The following HMGCLL1 variants were observed in gnomAD, a reference collection of about 807,000 sequenced individuals.
The protein encoded by HMGCLL1 is 3-hydroxy-3-methylglutaryl-CoA lyase like 1.
Under a neutral mutation model 39.1 loss-of-function variants are expected in HMGCLL1, and 36 were observed. That is an observed-to-expected ratio of 0.92 (90% CI 0.71 to 1.22). The LOEUF (loss-of-function observed/expected upper bound fraction) is 1.22. Ranked by LOEUF, HMGCLL1 falls within the 50% of genes most tolerant of loss-of-function variation. HMGCLL1 has a pLI of 0.00. For synonymous variants in HMGCLL1, 149 were observed against 144.0 expected, an observed-to-expected ratio of 1.03 and a Z score of -0.25; for missense variants, 451 against 416.5, an observed-to-expected ratio of 1.08 and a Z score of -0.72.
At chr6:55,479,889 A>G (rs1765645203) in intron 7 of HMGCLL1, among the ~76,000 whole-genome samples, 1 of 151,654 alleles carries the variant, frequency 6.6e-6, no homozygotes, top group Non-Finnish European at 1.5e-5. Context: ...TTCTAATTGG[A>G]TCTTGGGTTA....
At chr6:55,664,963 A>AGAG in the HMGCLL1 span, among the ~76,000 whole-genome samples, 1 of 151,748 alleles carries the variant, frequency 6.6e-6, no homozygotes, top group Non-Finnish European at 1.5e-5. Flanking sequence ...AGACCAGGAA[A>AGAG]ATTCATGGTC....
intron 1 of HMGCLL1, among the ~76,000 whole-genome samples, chr6:55,558,456 T>G (rs1770780228): frequency 6.6e-6 from 1 of 152,182 alleles, no homozygotes; most frequent in African/African-American, 2.4e-5. Flanking sequence ...ATAAATTACT[T>G]GATTGTCCCA....
At chr6:55,573,074 C>G (rs1484451433) in intron 1 of HMGCLL1, among the ~76,000 whole-genome samples, 1 of 152,110 alleles carries the variant, frequency 6.6e-6, no homozygotes, top group Non-Finnish European at 1.5e-5. Context: ...AGGAGCAACC[C>G]TGGTAAACAT....
the HMGCLL1 span, among the ~76,000 whole-genome samples, chr6:55,587,622 A>T: frequency 6.6e-6 from 1 of 152,172 alleles, no homozygotes; most frequent in South Asian, 2.1e-4. Flanking sequence ...TAGGAAAAAG[A>T]GTCAAGACCC....
chr6:55,601,108 A>T, the HMGCLL1 span, among the ~76,000 whole-genome samples: 1 of 152,342 alleles, frequency 6.6e-6, no homozygotes, highest in East Asian at 1.9e-4. Context: ...CTTATTAAAT[A>T]TAGCAATCCT....
rs553844692 is a variant in HMGCLL1, at chr6:55,555,498, G to A, written c.109-13358C>T. Among the ~76,000 whole-genome samples, 7 of 152,216 alleles carry A rather than the reference G, an allele frequency of 4.6e-5. No homozygotes were observed. In the South Asian group the frequency reaches 1.5e-3, roughly 32 times the overall value. ...TCTTCTCTTCAACTAAGAGCCCTTTGAGGGCGCTTCATTTTGTTGGGTTCA... is the reference window on the plus strand; with the variant it reads ...TCTTCTCTTCAACTAAGAGCCCTTTAAGGGCGCTTCATTTTGTTGGGTTCA... On this transcript the variant is annotated intron_variant, in intron 1 of 8. Transcript: ENST00000274901.
chr6:55,625,094 G>A, the HMGCLL1 span, among the ~76,000 whole-genome samples: 79 of 152,194 alleles, frequency 5.2e-4, no homozygotes, highest in African/African-American at 1.4e-3. Context: ...GTGAATCGCC[G>A]TGGAGGCCTC....
intron 5 of HMGCLL1, among the ~76,000 whole-genome samples, chr6:55,507,904 G>GA (rs1767251772): frequency 6.6e-6 from 1 of 151,616 alleles, no homozygotes; most frequent in Non-Finnish European, 1.5e-5. Flanking sequence ...TTTTCATATA[G>GA]TGCTAAAACT....
At chr6:55,456,242 A>G (rs2127392618) in intron 7 of HMGCLL1, among the ~76,000 whole-genome samples, 1 of 152,360 alleles carries the variant, frequency 6.6e-6, no homozygotes, top group South Asian at 2.1e-4. Context: ...AAAGCTGCCA[A>G]GTACCACTAG....
At chr6:55,475,564 C>T (rs575685854) in intron 7 of HMGCLL1, among the ~76,000 whole-genome samples, 1 of 151,576 alleles carries the variant, frequency 6.6e-6, no homozygotes, top group South Asian at 2.1e-4. Context: ...TTGTCCATGC[C>T]GTAAAAATAA....
intron 7 of HMGCLL1, among the ~76,000 whole-genome samples, chr6:55,465,757 C>G (rs1764773368): frequency 6.6e-6 from 1 of 152,102 alleles, no homozygotes; most frequent in South Asian, 2.1e-4. Flanking sequence ...TTCCCAGAGA[C>G]TGAACTAATC....
At chr6:55,670,809 A>ATT in the HMGCLL1 span, among the ~76,000 whole-genome samples, 5 of 151,864 alleles carry the variant, frequency 3.3e-5, no homozygotes, top group Non-Finnish European at 7.4e-5. Context: ...TAAACAAATA[A>ATT]TTGCATTGTA....
chr6:55,626,335 GC>G, the HMGCLL1 span, among the ~76,000 whole-genome samples: 1 of 152,006 alleles, frequency 6.6e-6, no homozygotes, highest in Non-Finnish European at 1.5e-5. Flanking sequence ...TCTGACCAGC[GC>G]ACTCACTTTA....
At chr6:55,527,162 G>A (rs1006648224) in intron 3 of HMGCLL1, among the ~76,000 whole-genome samples, 2 of 152,022 alleles carry the variant, frequency 1.3e-5, no homozygotes, top group Admixed American at 6.6e-5. Context: ...AAGATTGTGT[G>A]CATCAGAATA....
At chr6:55,658,574 T>G in the HMGCLL1 span, among the ~76,000 whole-genome samples, 1 of 151,752 alleles carries the variant, frequency 6.6e-6, no homozygotes, top group Non-Finnish European at 1.5e-5. Context: ...CTAAAGAAGG[T>G]TAATGAATAT....
intron 1 of HMGCLL1, chr6:55,566,531 T>C (rs1487993133): frequency 6.7e-6 from 3 of 448,044 alleles, no homozygotes; most frequent in African/African-American, 6.0e-5. Context: ...GCCCGAACAC[T>C]GAATCCTAAA....
At chr6:55,539,209 A>T (rs2127454495) in intron 3 of HMGCLL1, among the ~76,000 whole-genome samples, 1 of 152,284 alleles carries the variant, frequency 6.6e-6, no homozygotes, top group African/African-American at 2.4e-5. Flanking sequence ...CCAGGTATAG[A>T]CAGTCTTGAA....
intron 7 of HMGCLL1, among the ~76,000 whole-genome samples, chr6:55,479,226 A>C (rs1260420068): frequency 6.6e-6 from 1 of 151,520 alleles, no homozygotes; most frequent in African/African-American, 2.4e-5. Context: ...CAGCCTTTCC[A>C]CATCTGTCAT....
rs749110097 is a variant in HMGCLL1 at position 55,435,654 on chromosome 6, C to T, written c.*8G>A. 1 of 1,522,084 alleles carries T rather than the reference C, an allele frequency of 6.6e-7. No individual in the cohort carries two copies. Among genetic ancestry groups the T allele is most frequent in the South Asian group, 1.2e-5 (1 of 85,944 alleles). The allele number at this position is 1,522,084 out of a possible 1,614,324, so 94.3% of individuals were successfully genotyped here. A position where few individuals can be genotyped will look rare whatever the true frequency, so the allele number is the denominator to read the frequency against. The stretch of plus-strand genomic sequence containing the variant: ...TCTTCTCAACGGTACGTCATAAATC[C>T]ATTCAAGTCAAGCATTGAAGGAGGC... On this transcript the variant is annotated 3_prime_UTR_variant, in exon 9 of 9. Coordinates refer to ENST00000274901, the MANE Select transcript of HMGCLL1 (RefSeq NM_001042406.2).
Sources: gnomAD v4.1 joint callset for allele counts (sites outside exome capture counted in the v4.1 genomes callset) on GRCh38, gnomAD v4.1.1 for gene constraint, MANE v1.5 for transcripts, NCBI Gene and HGNC (gene_info 2026-07-23, HGNC 2026-07-21) for gene names.